Variants in RPIA observed in about 807,000 individuals in gnomAD.
The protein encoded by RPIA is ribose 5-phosphate isomerase A, also known as ribose-5-phosphate isomerase.
RPIA carries 29 observed loss-of-function variants against 37.8 expected under a neutral mutation model. The observed-to-expected ratio is 0.77, with a 90% confidence interval of 0.57 to 1.05. The LOEUF is 1.05. Ranked by LOEUF, RPIA falls within the 50% of genes least tolerant of loss-of-function variation. The probability of loss-of-function intolerance (pLI) is 0.00; values close to 1 mark genes in which losing one functional copy is unlikely to be tolerated. For missense variants in RPIA, 385 were observed against 413.6 expected, an observed-to-expected ratio of 0.93 and a Z score of 0.60; for synonymous variants, 167 against 157.0, an observed-to-expected ratio of 1.06 and a Z score of -0.48.
intron 3 of RPIA, among the ~76,000 whole-genome samples, chr2:88,720,003 C>T (rs570441864): frequency 6.5e-4 from 99 of 152,164 alleles, no homozygotes; most frequent in Non-Finnish European, 1.1e-3. Flanking sequence ...AGTCCCTTGG[C>T]GTTGAGGAGT....
chr2:88,692,094 TGAGTGAG>T, intron 1 of RPIA, 111 bp downstream of exon 1: 3 of 1,360,216 alleles, frequency 2.2e-6, no homozygotes, highest in Non-Finnish European at 3.0e-6. Context: ...GGGCGGGAGC[TGAGTGAG>T]AGGGTAGAGG....
rs533228100 is a variant in RPIA, at chr2:88,715,196, GT to G, written c.403-14078del. ...TAGTTGGGGGCTGGGGATTTTAAGG[GT>G]TTTGGAATGGGTTGAAGTGTGGAGA... On this transcript the variant is annotated intron_variant, in intron 3 of 8. Coordinates refer to ENST00000283646, the MANE Select transcript of RPIA (RefSeq NM_144563.3). 1.8e-3 allele frequency among the ~76,000 whole-genome samples: 277 copies of G among 152,330 alleles called. 2 individuals carry two copies. Among genetic ancestry groups the G allele is most frequent in the African/African-American group, 6.3e-3 (263 of 41,574 alleles).
At chr2:88,714,421 C>A (rs1425930676) in intron 3 of RPIA, among the ~76,000 whole-genome samples, 2 of 152,222 alleles carry the variant, frequency 1.3e-5, no homozygotes, top group Non-Finnish European at 2.9e-5. Flanking sequence ...ATCTGCCCGC[C>A]TTGGCTTCCC....
intron 3 of RPIA, among the ~76,000 whole-genome samples, chr2:88,710,687 A>T (rs1558691003): frequency 6.6e-6 from 1 of 152,200 alleles, no homozygotes; most frequent in Non-Finnish European, 1.5e-5. Context: ...AATTTATAAG[A>T]TGAGGTGCTA....
chr2:88,738,796 AC>A (rs1489786153), intron 8 of RPIA, among the ~76,000 whole-genome samples: 1 of 152,134 alleles, frequency 6.6e-6, no homozygotes. Flanking sequence ...TTTGATTCCC[AC>A]TTTGATGAGG....
intron 8 of RPIA, among the ~76,000 whole-genome samples, chr2:88,747,066 T>C (rs1182926984): frequency 6.6e-6 from 1 of 152,094 alleles, no homozygotes; most frequent in East Asian, 1.9e-4. Context: ...AGAAAAACCA[T>C]CAGGTTAGGG....
intron 3 of RPIA, among the ~76,000 whole-genome samples, chr2:88,713,367 A>G (rs1262778916): frequency 1.3e-5 from 2 of 151,216 alleles, no homozygotes; most frequent in Non-Finnish European, 2.9e-5. Context: ...TCATCATTTG[A>G]CTCTACAGAG....
Position 88,700,045 on chromosome 2 carries a change from G to T in RPIA, c.383G>T (p.Cys128Phe). Residue 128 changes from cysteine to phenylalanine, a missense_variant, in exon 3 of 9, where the codon TGT becomes TTT. Around this residue, in one of 2 missense-constraint regions of RPIA, gnomAD observed 232 missense variants for 203.0 expected, o/e 1.14. Coordinates refer to ENST00000283646, the MANE Select transcript of RPIA (RefSeq NM_144563.3). ...AAGCAAGAGAATCTGAACCTCGTCT[G>T]TATTCCCACTTCCTTCCAGGTATGT... ...RVKQENLNLV[C>F]IPTSFQARQL... The T allele has an allele frequency of 6.2e-7, 1 of 1,614,218 alleles. No individual in the cohort carries two copies. Among genetic ancestry groups the T allele is most frequent in the South Asian group, 1.1e-5 (1 of 91,088 alleles).
intron 3 of RPIA, among the ~76,000 whole-genome samples, chr2:88,722,168 T>G (rs891637107): frequency 6.6e-5 from 10 of 152,022 alleles, no homozygotes; most frequent in African/African-American, 2.4e-4. Context: ...AAAACCCTTT[T>G]TTTTTATAGC....
At chr2:88,720,845 C>G (rs1451032968) in intron 3 of RPIA, among the ~76,000 whole-genome samples, 1 of 152,024 alleles carries the variant, frequency 6.6e-6, no homozygotes, top group Non-Finnish European at 1.5e-5. Context: ...TACCATTTCA[C>G]CCAGCAATCC....
At chr2:88,745,390 T>TAA (rs1303660257) in intron 8 of RPIA, among the ~76,000 whole-genome samples, 1 of 152,236 alleles carries the variant, frequency 6.6e-6, no homozygotes, top group Admixed American at 6.5e-5. Context: ...ATTTATGCTT[T>TAA]AAGGAGGTTC....
At chr2:88,700,845 G>A (rs1396521580) in intron 3 of RPIA, among the ~76,000 whole-genome samples, 2 of 152,182 alleles carry the variant, frequency 1.3e-5, no homozygotes, top group African/African-American at 4.8e-5. Flanking sequence ...CCCTCATCTG[G>A]CCATTGCAGG....
intron 4 of RPIA, among the ~76,000 whole-genome samples, chr2:88,729,550 C>G (rs892447440): frequency 5.9e-5 from 9 of 152,120 alleles, no homozygotes; most frequent in Non-Finnish European, 1.3e-4. Flanking sequence ...GGTTTAACCG[C>G]AAGGGCTCAG....
At chr2:88,724,239 A>G (rs1186667858) in intron 3 of RPIA, among the ~76,000 whole-genome samples, 6 of 152,170 alleles carry the variant, frequency 3.9e-5, no homozygotes, top group Non-Finnish European at 5.9e-5. Flanking sequence ...ATGAGAGGCC[A>G]GAGTCAGGAG....
chr2:88,709,695 TCTC>T (rs1418446111), intron 3 of RPIA, among the ~76,000 whole-genome samples: 1 of 152,202 alleles, frequency 6.6e-6, no homozygotes, highest in East Asian at 1.9e-4. Flanking sequence ...TGCTTTTTCT[TCTC>T]TGAACCCTTT....
intron 3 of RPIA, among the ~76,000 whole-genome samples, chr2:88,716,840 A>G (rs143530648): frequency 6.6e-6 from 1 of 152,336 alleles, no homozygotes; most frequent in East Asian, 1.9e-4. Context: ...CAAAAGGCAT[A>G]CAAATGTGTT....
chr2:88,727,272 T>C (rs2104122059), intron 3 of RPIA, among the ~76,000 whole-genome samples: 1 of 152,260 alleles, frequency 6.6e-6, no homozygotes, highest in East Asian at 1.9e-4. Flanking sequence ...TCTGGGACAA[T>C]GGGAAGGGAT....
At chr2:88,715,845 AT>A (rs1442546810) in intron 3 of RPIA, among the ~76,000 whole-genome samples, 4 of 152,104 alleles carry the variant, frequency 2.6e-5, no homozygotes, top group Non-Finnish European at 5.9e-5. Flanking sequence ...AAAATCCTTT[AT>A]TGTAGTTTCA....
chr2:88,739,286 A>C (rs920069984), intron 8 of RPIA, among the ~76,000 whole-genome samples: 1 of 152,200 alleles, frequency 6.6e-6, no homozygotes, highest in Admixed American at 6.5e-5. Context: ...GGAGCAGACT[A>C]TTCTGGATAA....
Sources: gnomAD v4.1 joint callset for allele counts (sites outside exome capture counted in the v4.1 genomes callset) on GRCh38, gnomAD v4.1.1 for gene constraint, gnomAD v4.1.1 regional missense constraint, MANE v1.5 for transcripts, NCBI Gene and HGNC (gene_info 2026-07-23, HGNC 2026-07-21) for gene names.